The following ARHGAP26 variants were observed in gnomAD, a reference collection of about 807,000 sequenced individuals.
The protein encoded by ARHGAP26 is Rho GTPase activating protein 26.
A neutral mutation model predicts 104.8 loss-of-function variants in ARHGAP26; 38 were observed. The ratio of observed to expected loss-of-function variants is 0.36; its 90% CI spans 0.28 to 0.48. ARHGAP26 has a LOEUF of 0.48. Ranked by LOEUF, ARHGAP26 falls within the 20% of genes least tolerant of loss-of-function variation. The pLI is 0.99. For synonymous variants in ARHGAP26, 341 were observed against 340.0 expected, an observed-to-expected ratio of 1.00 and a Z score of -0.03; for missense variants, 704 against 947.9, an observed-to-expected ratio of 0.74 and a Z score of 3.38.
At chr5:143,197,871 G>C (rs1159059031) in intron 20 of ARHGAP26, among the ~76,000 whole-genome samples, 1 of 152,144 alleles carries the variant, frequency 6.6e-6, no homozygotes, top group Non-Finnish European at 1.5e-5. Context: ...CTAGCACCGT[G>C]TATAAAAGAG....
chr5:142,902,138 G>C, intron 7 of ARHGAP26, 99 bp downstream of exon 7: 2 of 1,014,048 alleles, frequency 2.0e-6, no homozygotes, highest in Non-Finnish European at 3.0e-6. Flanking sequence ...TGGAATGTAG[G>C]TGAGGAGGGT....
chr5:142,867,756 A>G (rs61095248), intron 1 of ARHGAP26: 5,616 of 152,248 alleles, frequency 0.037, 358 homozygotes, highest in East Asian at 0.25. Flanking sequence ...TCAATGGACA[A>G]CATGAAGGGA....
At chr5:142,934,125 G>A (rs909245372) in intron 11 of ARHGAP26, among the ~76,000 whole-genome samples, 2 of 152,084 alleles carry the variant, frequency 1.3e-5, no homozygotes, top group Non-Finnish European at 2.9e-5. Flanking sequence ...ATAAGCTGGA[G>A]TTCTAAAACT....
At chr5:142,813,132 G>C (rs1764442027) in intron 1 of ARHGAP26, among the ~76,000 whole-genome samples, 1 of 151,914 alleles carries the variant, frequency 6.6e-6, no homozygotes, top group Non-Finnish European at 1.5e-5. Context: ...TAGTAGAGAT[G>C]GGGTTTCACC....
intron 20 of ARHGAP26, among the ~76,000 whole-genome samples, chr5:143,150,240 T>G (rs567799913): frequency 6.6e-6 from 1 of 152,234 alleles, no homozygotes; most frequent in Non-Finnish European, 1.5e-5. Context: ...CAACTGTGGC[T>G]GAACCTATTT....
At chr5:143,066,448 G>A (rs1347998901) in intron 17 of ARHGAP26, among the ~76,000 whole-genome samples, 2 of 152,180 alleles carry the variant, frequency 1.3e-5, no homozygotes, top group Non-Finnish European at 2.9e-5. Flanking sequence ...GAGTTGTGCA[G>A]ATTAAATTAA....
intron 20 of ARHGAP26, among the ~76,000 whole-genome samples, chr5:143,187,052 G>T (rs949829285): frequency 6.6e-6 from 1 of 152,156 alleles, no homozygotes; most frequent in African/African-American, 2.4e-5. Flanking sequence ...AACACTATAT[G>T]CCAGGCTTTA....
intron 20 of ARHGAP26, chr5:143,169,955 G>C (rs1299780222): frequency 6.6e-6 from 1 of 152,070 alleles, no homozygotes; most frequent in Non-Finnish European, 1.5e-5. Flanking sequence ...CTAGTTGACT[G>C]ACTGCCTCCT....
chr5:142,931,799 T>G (rs975511853), intron 10 of ARHGAP26, among the ~76,000 whole-genome samples: 2 of 152,234 alleles, frequency 1.3e-5, no homozygotes, highest in African/African-American at 4.8e-5. Flanking sequence ...TCTACGTCCC[T>G]TACCTGTAAA....
Position 143,212,456 on chromosome 5 carries a change from C to T in ARHGAP26, c.2100-1541C>T, listed in dbSNP as rs1809622275. On this transcript the variant is annotated intron_variant, in intron 21 of 22. Coordinates refer to ENST00000645722, the MANE Select transcript of ARHGAP26 (RefSeq NM_001135608.3). ...ATACATAGACTCGGTTTCTTTGGCT[C>T]ACAGGCAGTGCCCCTTGTCCTGAAC... Among the ~76,000 whole-genome samples, 15 of 152,054 alleles carry T rather than the reference C, an allele frequency of 9.9e-5. No individual in the cohort carries two copies. The South Asian group carries it at 3.1e-3, about 32-fold the overall frequency.
intron 17 of ARHGAP26, among the ~76,000 whole-genome samples, chr5:143,074,003 G>T (rs1788636897): frequency 6.6e-6 from 1 of 152,126 alleles, no homozygotes; most frequent in Non-Finnish European, 1.5e-5. Context: ...TTGCTCATTT[G>T]CATTTTTACT....
intron 20 of ARHGAP26, among the ~76,000 whole-genome samples, chr5:143,206,396 C>T (rs915558107): frequency 3.9e-5 from 6 of 152,214 alleles, no homozygotes; most frequent in East Asian, 1.9e-4. Context: ...CCACAAGCCA[C>T]GTTTCAGTGA....
chr5:142,806,401 C>T (rs750737835), intron 1 of ARHGAP26, among the ~76,000 whole-genome samples: 13 of 151,954 alleles, frequency 8.6e-5, no homozygotes, highest in Non-Finnish European at 1.2e-4. Flanking sequence ...GCCATGACAA[C>T]TTTTTAATTC....
chr5:143,058,656 T>A (rs1786227769), intron 17 of ARHGAP26, among the ~76,000 whole-genome samples: 1 of 152,288 alleles, frequency 6.6e-6, no homozygotes. Context: ...GTCCATACTT[T>A]GCTATGCCAT....
chr5:142,907,594 AAGGGT>A (rs3217375), intron 8 of ARHGAP26, 105 bp from the exon 9 acceptor site: 198,981 of 554,034 alleles, frequency 0.36, 44,278 homozygotes, highest in East Asian at 0.85. Context: ...AACATAGTTT[AAGGGT>A]AGGGTAGATG....
chr5:143,012,447 C>T (rs1050886984), intron 11 of ARHGAP26, among the ~76,000 whole-genome samples: 7 of 146,010 alleles, frequency 4.8e-5, no homozygotes, highest in African/African-American at 1.7e-4. Context: ...TTTAATGGTT[C>T]TTTTCAGAGG....
intron 11 of ARHGAP26, among the ~76,000 whole-genome samples, chr5:142,983,028 T>C (rs114844534): frequency 0.035 from 5,322 of 152,234 alleles, 318 homozygotes; most frequent in African/African-American, 0.12. Context: ...GGGATTGCTG[T>C]GCTTGCCCAG....
intron 4 of ARHGAP26, among the ~76,000 whole-genome samples, chr5:142,884,545 A>C (rs552505728): frequency 1.3e-5 from 2 of 152,352 alleles, no homozygotes; most frequent in South Asian, 4.1e-4. Flanking sequence ...ATAGGTAGAC[A>C]CACTCTATGT....
chr5:143,175,019 A>T (rs181206397), intron 20 of ARHGAP26, among the ~76,000 whole-genome samples: 36 of 152,264 alleles, frequency 2.4e-4, no homozygotes, highest in African/African-American at 8.2e-4. Flanking sequence ...TACAGGAAGG[A>T]TGCCAGAGAG....
Sources: gnomAD v4.1 joint callset for allele counts (sites outside exome capture counted in the v4.1 genomes callset) on GRCh38, gnomAD v4.1.1 for gene constraint, MANE v1.5 for transcripts, NCBI Gene and HGNC (gene_info 2026-07-23, HGNC 2026-07-21) for gene names.